The following AMN1 variants were observed in gnomAD, a reference collection of about 807,000 sequenced individuals.
AMN1 encodes the protein protein AMN1 homolog.
In AMN1, 20 loss-of-function variants were observed where a neutral mutation model predicts 33.0. The observed-to-expected ratio is 0.61, with a 90% CI of 0.43 to 0.88. The LOEUF is 0.88. Ranked by LOEUF, AMN1 falls within the 40% of genes least tolerant of loss-of-function variation. The pLI is 0.00. For synonymous variants in AMN1, 114 were observed against 111.9 expected, an observed-to-expected ratio of 1.02 and a Z score of -0.12; for missense variants, 246 against 307.4, an observed-to-expected ratio of 0.80 and a Z score of 1.49.
intron 6 of AMN1, among the ~76,000 whole-genome samples, chr12:31,676,700 CAT>C (rs941158257): frequency 4.0e-5 from 6 of 151,728 alleles, no homozygotes; most frequent in Non-Finnish European, 2.9e-5. Flanking sequence ...TGTTATCAAA[CAT>C]ATATAAAATT....
intron 1 of AMN1, chr12:31,714,422 G>A (rs180836813): frequency 1.3e-5 from 2 of 152,358 alleles, no homozygotes; most frequent in East Asian, 3.9e-4. Flanking sequence ...AACCTCCAAG[G>A]CTCAAGTGAT....
At chr12:31,693,049 C>T (rs1938572104) in intron 5 of AMN1, among the ~76,000 whole-genome samples, 1 of 151,970 alleles carries the variant, frequency 6.6e-6, no homozygotes, top group Admixed American at 6.6e-5. Flanking sequence ...GTACTAAGTG[C>T]TTGTTGATCT....
intron 6 of AMN1, among the ~76,000 whole-genome samples, chr12:31,673,845 A>G (rs1565757195): frequency 6.6e-6 from 1 of 152,222 alleles, no homozygotes; most frequent in Non-Finnish European, 1.5e-5. Flanking sequence ...AGTATAATAT[A>G]CTGTGTTAAT....
At chr12:31,712,391 G>A (rs966626293) in intron 1 of AMN1, among the ~76,000 whole-genome samples, 103 of 152,076 alleles carry the variant, frequency 6.8e-4, no homozygotes, top group African/African-American at 2.3e-3. Flanking sequence ...GGGATTACAG[G>A]CACATGCCAC....
chr12:31,687,928 T>A lies in AMN1; in HGVS notation c.703+1079A>T, dbSNP rs1938336861. Among the ~76,000 whole-genome samples, 2 of 152,128 alleles carry A rather than the reference T, an allele frequency of 1.3e-5. No individual in the cohort carries two copies. Among genetic ancestry groups the A allele is most frequent in the Admixed American group, 1.3e-4 (2 of 15,268 alleles). The stretch of plus-strand genomic sequence containing the variant: ...GTTCTCCTCCAGTGAAGAGCCACAT[T>A]AGCCTAAGAGTCCAAATTTTTCTGA... On this transcript the variant is annotated intron_variant, in intron 6 of 6. Transcript: ENST00000281471. The surrounding 1 kb of genome is among the most constrained non-coding windows in gnomAD (Gnocchi z 4.1).
At chr12:31,706,840 A>G (rs960252217) in intron 2 of AMN1, among the ~76,000 whole-genome samples, 2 of 152,166 alleles carry the variant, frequency 1.3e-5, no homozygotes, top group African/African-American at 4.8e-5. Flanking sequence ...CAGAGAGTAT[A>G]CAGAGATATG....
intron 6 of AMN1, among the ~76,000 whole-genome samples, chr12:31,681,739 A>G (rs1938024292): frequency 6.6e-6 from 1 of 152,074 alleles, no homozygotes. Flanking sequence ...GTCTCAGTTA[A>G]TGTTGTGCAG....
At chr12:31,674,180 G>A (rs1276596064) in intron 6 of AMN1, among the ~76,000 whole-genome samples, 3 of 151,880 alleles carry the variant, frequency 2.0e-5, no homozygotes, top group Admixed American at 6.6e-5. Context: ...AGGCTGAGGC[G>A]GGCAGATCAT....
At chr12:31,682,096 T>C (rs1297531633) in intron 6 of AMN1, among the ~76,000 whole-genome samples, 2 of 152,210 alleles carry the variant, frequency 1.3e-5, no homozygotes, top group Non-Finnish European at 2.9e-5. Context: ...TGCTAGAAAT[T>C]TGGAAATGCT....
At chr12:31,672,683 C>T (rs1951306753) in intron 6 of AMN1, 2 of 244,298 alleles carry the variant, frequency 8.2e-6, no homozygotes, top group Non-Finnish European at 1.6e-5. Context: ...CACCATTAAC[C>T]TGTGTTAATG....
chr12:31,696,915 C>T (rs907471303), intron 5 of AMN1, among the ~76,000 whole-genome samples: 2 of 147,098 alleles, frequency 1.4e-5, no homozygotes, highest in South Asian at 2.1e-4. Flanking sequence ...TGGGAGACTC[C>T]GTCTCAAAAA....
intron 1 of AMN1, among the ~76,000 whole-genome samples, chr12:31,723,308 T>C (rs1939943458): frequency 6.6e-6 from 1 of 152,130 alleles, no homozygotes; most frequent in Admixed American, 6.5e-5. Context: ...ATGGTTTCAG[T>C]CTGATCAACC....
chr12:31,690,156 T>C (rs1409109715), intron 5 of AMN1, among the ~76,000 whole-genome samples: 1 of 152,244 alleles, frequency 6.6e-6, no homozygotes, highest in Admixed American at 6.5e-5. Flanking sequence ...ATCCACTCGT[T>C]GATTGATGGG....
intron 2 of AMN1, among the ~76,000 whole-genome samples, chr12:31,702,476 C>T (rs777361898): frequency 2.0e-4 from 31 of 152,096 alleles, no homozygotes; most frequent in Non-Finnish European, 4.4e-4. Context: ...TAATAAAATA[C>T]CCCAGTATTA....
intron 2 of AMN1, 76 bp downstream of exon 2, chr12:31,709,217 C>T (rs1415820016): frequency 6.6e-7 from 1 of 1,513,692 alleles, no homozygotes; most frequent in South Asian, 1.2e-5. Flanking sequence ...TACCATATAC[C>T]ATTGTTCCAA....
chr12:31,712,246 T>C (rs991645732), intron 1 of AMN1, among the ~76,000 whole-genome samples: 1 of 151,812 alleles, frequency 6.6e-6, no homozygotes, highest in African/African-American at 2.4e-5. Flanking sequence ...TATTATTTTA[T>C]TTTATTATTA....
chr12:31,697,724 C>A lies in AMN1; in HGVS notation c.534+16G>T, dbSNP rs957548979. 1.6e-5 allele frequency: 26 copies of A among 1,603,166 alleles called. No individual in the cohort carries two copies. The highest frequency in any genetic ancestry group is 2.1e-5 in the Non-Finnish European group (25 of 1,170,244). ...AAACACATAGTCTATATGTTTGTAG[C>A]CTATATGTCATTTACCTGAGTAGCT... On this transcript the variant is annotated intron_variant, in intron 4 of 6. Coordinates refer to ENST00000281471, the MANE Select transcript of AMN1 (RefSeq NM_001113402.2).
rs762340802 is a variant in AMN1 at position 31,672,299 on chromosome 12, A to C, written c.*5T>G. On this transcript the variant is annotated 3_prime_UTR_variant, in exon 7 of 7. Transcript: ENST00000281471. ...TTCCTAGCATTGATCATCTTCAAAA[A>C]AGCATCAATAAACAGTCCATGTCAC... The C allele has an allele frequency of 2.6e-6, 4 of 1,565,714 alleles. No individual in the cohort carries two copies. The highest frequency in any genetic ancestry group is 3.5e-6 in the Non-Finnish European group (4 of 1,152,442).
intron 6 of AMN1, 27 bp from the exon 7 acceptor site, chr12:31,672,404 T>G (rs1419449067): frequency 6.8e-7 from 1 of 1,464,388 alleles, no homozygotes; most frequent in African/African-American, 1.4e-5. Context: ...TGACAATATA[T>G]TAATTGACAA....
Sources: gnomAD v4.1 joint callset for allele counts (sites outside exome capture counted in the v4.1 genomes callset) on GRCh38, gnomAD v4.1.1 for gene constraint, Gnocchi (gnomAD v3.1) non-coding constraint, MANE v1.5 for transcripts, NCBI Gene and HGNC (gene_info 2026-07-23, HGNC 2026-07-21) for gene names.